Variants in EPHA6 observed in about 807,000 individuals in gnomAD.
The protein encoded by EPHA6 is EPH receptor A6, also known as ephrin type-A receptor 6.
Under a neutral mutation model 112.0 loss-of-function variants are expected in EPHA6, and 50 were observed. That is an observed-to-expected ratio of 0.45 (90% CI 0.36 to 0.56). The LOEUF (loss-of-function observed/expected upper bound fraction) is 0.56, where lower values mean the gene tolerates loss of function less well. Among genes scored for constraint, EPHA6 ranks in the 20% least tolerant of loss-of-function variants. The pLI is 0.00. For missense variants in EPHA6, 1,280 were observed against 1,417.4 expected (o/e 0.90, Z 1.56); for synonymous variants, 529 against 490.7 (o/e 1.08, Z -1.03).
chr3:96,947,171 C>G (rs1408145445), intron 2 of EPHA6, among the ~76,000 whole-genome samples: 8 of 151,800 alleles, frequency 5.3e-5, no homozygotes, highest in Admixed American at 2.6e-4. Flanking sequence ...CTGTGCAGAA[C>G]CTCTTGAGTT....
chr3:97,237,571 A>G (rs145580210), intron 4 of EPHA6, among the ~76,000 whole-genome samples: 3 of 152,158 alleles, frequency 2.0e-5, no homozygotes, highest in African/African-American at 7.2e-5. Context: ...CCCACTCAAT[A>G]TCATCTGTTT....
chr3:97,165,672 G>T (rs2076524628), intron 3 of EPHA6, among the ~76,000 whole-genome samples: 1 of 152,098 alleles, frequency 6.6e-6, no homozygotes, highest in Non-Finnish European at 1.5e-5. Context: ...TGACTCTACT[G>T]GTTAAGTTTT....
intron 3 of EPHA6, among the ~76,000 whole-genome samples, chr3:97,066,702 T>C (rs2046189346): frequency 6.6e-6 from 1 of 152,170 alleles, no homozygotes; most frequent in Non-Finnish European, 1.5e-5. Flanking sequence ...CAGTCGGCTA[T>C]TTAGGAACTG....
At chr3:97,400,714 GT>G (rs1194767358) in intron 5 of EPHA6, among the ~76,000 whole-genome samples, 2 of 151,298 alleles carry the variant, frequency 1.3e-5, no homozygotes, top group African/African-American at 2.4e-5. Flanking sequence ...TGCCTTGTTG[GT>G]TTTTTCAGCA....
intron 1 of EPHA6, among the ~76,000 whole-genome samples, chr3:96,834,796 A>G (rs2034300586): frequency 1.3e-5 from 2 of 151,988 alleles, no homozygotes; most frequent in South Asian, 2.1e-4. Context: ...TTAACAATGA[A>G]TTTATTGGAA....
At chr3:97,592,397 C>T (rs1180584637) in intron 11 of EPHA6, among the ~76,000 whole-genome samples, 1 of 152,072 alleles carries the variant, frequency 6.6e-6, no homozygotes, top group South Asian at 2.1e-4. Flanking sequence ...TGCTTCTAAC[C>T]CTCTTTAATT....
rs574089438 is a variant in EPHA6 at position 97,183,440 on chromosome 3, A to G, written c.1115-42824A>G. 7.2e-5 allele frequency among the ~76,000 whole-genome samples: 11 copies of G among 152,304 alleles called. No homozygotes were observed. The South Asian group carries it at 2.3e-3, about 32-fold the overall frequency. On this transcript the variant is annotated intron_variant, in intron 3 of 17. Transcript: ENST00000389672. Reference sequence around the variant, plus strand: ...ATTTCATTAAATTATGCTATTGTACATCTACATTTTCTGGCACAACTATAT... The same window carrying G: ...ATTTCATTAAATTATGCTATTGTACGTCTACATTTTCTGGCACAACTATAT...
intron 4 of EPHA6, among the ~76,000 whole-genome samples, chr3:97,242,421 T>G (rs541787152): frequency 1.3e-5 from 2 of 152,028 alleles, no homozygotes; most frequent in East Asian, 3.9e-4. Context: ...TCTATGAGGC[T>G]TTCTCAGAAT....
chr3:97,624,197 T>G (rs1293410637), intron 13 of EPHA6, among the ~76,000 whole-genome samples: 1 of 151,732 alleles, frequency 6.6e-6, no homozygotes, highest in East Asian at 1.9e-4. Flanking sequence ...GCTTTTATTA[T>G]GTCAAAGTAA....
chr3:97,155,247 TAGAGTG>T lies in EPHA6; in HGVS notation c.1115-71015_1115-71010del, dbSNP rs542003106. ...TACTAAATGAGGTTCTCTTTTCTGT[TAGAGTG>T]AAAGAACCTCAGACCAAAACCCCTC... On this transcript the variant is annotated intron_variant, in intron 3 of 17. Coordinates refer to ENST00000389672, the MANE Select transcript of EPHA6 (RefSeq NM_001080448.3). Among the ~76,000 whole-genome samples, 289 of 151,914 alleles carry T rather than the reference TAGAGTG, an allele frequency of 1.9e-3. 3 individuals carry two copies. The highest frequency in any genetic ancestry group is 6.4e-3 in the African/African-American group (263 of 41,316).
At chr3:97,237,028 C>T (rs2078698830) in intron 4 of EPHA6, among the ~76,000 whole-genome samples, 1 of 151,818 alleles carries the variant, frequency 6.6e-6, no homozygotes, top group Admixed American at 6.6e-5. Flanking sequence ...TAAAGAAAAC[C>T]ATTTTGGCCC....
intron 6 of EPHA6, 46 bp downstream of exon 6, chr3:97,405,320 A>G: frequency 2.0e-6 from 3 of 1,480,878 alleles, no homozygotes; most frequent in Non-Finnish European, 2.8e-6. Flanking sequence ...ATATATGCAT[A>G]TATATGTATA....
At chr3:97,018,495 C>T (rs942147637) in intron 3 of EPHA6, among the ~76,000 whole-genome samples, 2 of 152,152 alleles carry the variant, frequency 1.3e-5, no homozygotes, top group African/African-American at 4.8e-5. Context: ...GGTAAGGCCA[C>T]GTGGGTCACG....
rs1288698320 is a variant in EPHA6, at chr3:97,639,191, T to C, written c.2784+1109T>C. Among the ~76,000 whole-genome samples, 3 of 152,148 alleles carry C rather than the reference T, an allele frequency of 2.0e-5. No homozygotes were observed. The East Asian group carries it at 5.8e-4, about 29-fold the overall frequency. Reference sequence around the variant, plus strand: ...CATTGTCTGATATATAAAGTAGCAGTGTAGGAGTATCTACTGATCTTTTAA... The same window carrying C: ...CATTGTCTGATATATAAAGTAGCAGCGTAGGAGTATCTACTGATCTTTTAA... On this transcript the variant is annotated intron_variant, in intron 14 of 17. Transcript: ENST00000389672.
chr3:97,481,424 C>T (rs1272975012), intron 9 of EPHA6: 2 of 1,416,918 alleles, frequency 1.4e-6, no homozygotes, highest in African/African-American at 2.8e-5. Flanking sequence ...TCGCCTTTCT[C>T]CAAAATAATA....
chr3:97,726,269 G>C (rs145526086), intron 15 of EPHA6, among the ~76,000 whole-genome samples: 2 of 152,020 alleles, frequency 1.3e-5, no homozygotes, highest in African/African-American at 4.8e-5. Context: ...GCTTTTACCC[G>C]TTAAGCTCTA....
intron 10 of EPHA6, among the ~76,000 whole-genome samples, chr3:97,518,008 T>G (rs1185232091): frequency 2.0e-5 from 3 of 152,162 alleles, no homozygotes; most frequent in African/African-American, 7.2e-5. Flanking sequence ...TAGACACCTA[T>G]GTTGCTTCCA....
chr3:97,349,767 G>C (rs1209170316), intron 5 of EPHA6, among the ~76,000 whole-genome samples: 2 of 151,950 alleles, frequency 1.3e-5, no homozygotes, highest in Non-Finnish European at 2.9e-5. Context: ...AAGCTTCAAA[G>C]TCTTCATTGA....
intron 3 of EPHA6, among the ~76,000 whole-genome samples, chr3:97,169,705 C>T (rs1378798145): frequency 6.6e-6 from 1 of 152,072 alleles, no homozygotes; most frequent in Non-Finnish European, 1.5e-5. Flanking sequence ...TGTATTGATT[C>T]TTGTCTTATT....
Sources: gnomAD v4.1 joint callset for allele counts (sites outside exome capture counted in the v4.1 genomes callset) on GRCh38, gnomAD v4.1.1 for gene constraint, MANE v1.5 for transcripts, NCBI Gene and HGNC (gene_info 2026-07-23, HGNC 2026-07-21) for gene names.